TRMT61B: variants seen among roughly 807,000 people sequenced by gnomAD.
TRMT61B encodes tRNA methyltransferase 61B.
A neutral mutation model predicts 52.0 loss-of-function variants in TRMT61B; 56 were observed. The ratio of observed to expected loss-of-function variants is 1.08; its 90% CI spans 0.87 to 1.35. TRMT61B has a LOEUF of 1.35. TRMT61B is among the 40% of genes most tolerant of loss of function. The pLI is 0.00. For synonymous variants in TRMT61B, 206 were observed against 220.0 expected, an observed-to-expected ratio of 0.94 and a Z score of 0.56; for missense variants, 650 against 577.9, an observed-to-expected ratio of 1.12 and a Z score of -1.28.
chr2:28,851,330 C>A, intron 4 of TRMT61B, 32 bp from the exon 5 acceptor site: 1 of 1,418,888 alleles, frequency 7.0e-7, no homozygotes. Flanking sequence ...TACATTTCTA[C>A]TAAAATAATA....
intron 2 of TRMT61B, among the ~76,000 whole-genome samples, chr2:28,862,835 T>A (rs77282756): frequency 4.1e-5 from 6 of 144,950 alleles, no homozygotes; most frequent in African/African-American, 7.6e-5. Context: ...TACCAAAAAA[T>A]AAAAAAAAAA....
chr2:28,862,055 A>G (rs1411683988), intron 2 of TRMT61B: 1 of 151,796 alleles, frequency 6.6e-6, no homozygotes, highest in Non-Finnish European at 1.5e-5. Flanking sequence ...AAATACAAAA[A>G]ATTAGCCAGG....
intron 3 of TRMT61B, among the ~76,000 whole-genome samples, chr2:28,852,871 G>T (rs988459315): frequency 1.3e-5 from 2 of 151,956 alleles, no homozygotes; most frequent in Non-Finnish European, 2.9e-5. Flanking sequence ...AGGTGGGAGG[G>T]TCACTGGAGC....
chr2:28,869,821 C>A lies in TRMT61B; in HGVS notation c.457G>T (p.Ala153Ser), dbSNP rs777141316. 1.2e-6 allele frequency: 2 copies of A among 1,614,136 alleles called. No individual in the cohort carries two copies. Among genetic ancestry groups the A allele is most frequent in the Non-Finnish European group, 1.7e-6 (2 of 1,180,008 alleles). ...CSTSRERPFQ[A>S]GELILAETGE... is the part of the protein sequence containing the mutation. ...GTCTCAGCTAAAATCAGTTCCCCAG[C>A]CTGAAAGGGTCTCTCTCTGGAAGTT... The change falls in exon 1 of 7, where the codon GCT (alanine) becomes TCT (serine). Residue 153 changes from alanine (A) to serine (S), a missense_variant. By Grantham distance (99) the Ala-to-Ser change is moderately conservative. Transcript: ENST00000306108.
intron 1 of TRMT61B, 51 bp downstream of exon 1, chr2:28,869,526 ATC>A: frequency 7.9e-7 from 1 of 1,262,220 alleles, no homozygotes; most frequent in South Asian, 1.3e-5. Flanking sequence ...TGAGTACTGC[ATC>A]TGTCTTTGCC....
At chr2:28,852,691 G>T (rs551124007) in intron 3 of TRMT61B, among the ~76,000 whole-genome samples, 192 bp from the exon 4 acceptor site, 1 of 152,090 alleles carries the variant, frequency 6.6e-6, no homozygotes, top group Non-Finnish European at 1.5e-5. Context: ...GGGCAATGTG[G>T]CTTCTGCCTG....
intron 4 of TRMT61B, among the ~76,000 whole-genome samples, chr2:28,852,024 A>G (rs2148119249): frequency 6.6e-6 from 1 of 151,896 alleles, no homozygotes; most frequent in Admixed American, 6.6e-5. Context: ...TACAAAATGA[A>G]TATTTTGGCT....
chr2:28,863,979 A>G (rs1669721248), intron 2 of TRMT61B, among the ~76,000 whole-genome samples: 1 of 152,192 alleles, frequency 6.6e-6, no homozygotes, highest in Non-Finnish European at 1.5e-5. Flanking sequence ...CTAATCAACT[A>G]GCATAAAAGT....
rs181265959 is a variant in TRMT61B at position 28,858,148 on chromosome 2, C to T, written c.993+2970G>A. Among the ~76,000 whole-genome samples the T allele has an allele frequency of 1.8e-3, 268 of 150,548 alleles. 1 individual carries two copies. The highest frequency in any genetic ancestry group is 2.4e-3 in the Non-Finnish European group (161 of 67,846). On this transcript the variant is annotated intron_variant, in intron 3 of 6. Coordinates refer to ENST00000306108, the MANE Select transcript of TRMT61B (RefSeq NM_017910.4). ...CTCCGCCTCCCGGGTTCAGGCCATT[C>T]TCCTGCCTCAGCCTCCCCAGTAGCT...
rs1335311647 is a variant in TRMT61B at position 28,869,886 on chromosome 2, G to A, written c.392C>T (p.Ala131Val). ...DPSMLSQAQSATEVEERHVSP... is the reference protein window; with the variant it reads ...DPSMLSQAQSVTEVEERHVSP... ...GACGTGACGCTCTTCGACCTCGGTA[G>A]CGGACTGGGCCTGCGAGAGCATCGA... Residue 131 changes from alanine to valine, a missense_variant, in exon 1 of 7, where the codon GCT (alanine) becomes GTT (valine). Coordinates refer to ENST00000306108, the MANE Select transcript of TRMT61B (RefSeq NM_017910.4). 1.9e-6 allele frequency: 3 copies of A among 1,614,148 alleles called. No individual in the cohort carries two copies. The South Asian group carries it at 3.3e-5, about 18-fold the overall frequency.
Position 28,870,254 on chromosome 2 carries a change from A to G in TRMT61B, c.24T>C (p.Gly8=), listed in dbSNP as rs769434333. The G allele has an allele frequency of 3.6e-5, 58 of 1,597,870 alleles. No individual in the cohort carries two copies. The highest frequency in any genetic ancestry group is 4.9e-5 in the Non-Finnish European group (57 of 1,173,998). ...CCTGCCGCAGGCACAGCAAGACAGG[A>G]CCGCGGCACCATGCCATTAGCATAG... is the stretch of plus-strand genomic sequence containing the variant. MLMAWCR[G]PVLLCLRQGL... The change falls in exon 1 of 7, where the codon GGT becomes GGC. Residue 8 remains glycine, a synonymous_variant. Transcript: ENST00000306108.
intron 3 of TRMT61B, among the ~76,000 whole-genome samples, chr2:28,859,031 A>C (rs1414332237): frequency 6.7e-6 from 1 of 148,970 alleles, no homozygotes; most frequent in African/African-American, 2.5e-5. Flanking sequence ...AGTAGCTGGG[A>C]TTGTAGGCGC....
chr2:28,862,157 G>C (rs1669628592), intron 2 of TRMT61B, among the ~76,000 whole-genome samples: 1 of 128,920 alleles, frequency 7.8e-6, no homozygotes, highest in South Asian at 2.4e-4. Context: ...AGTGAGCCAA[G>C]ATGCGCCACT....
rs541830017 is a variant in TRMT61B, at chr2:28,850,327, C to G, written c.1390+1G>C. 69 of 1,608,400 alleles carry G rather than the reference C, an allele frequency of 4.3e-5. No homozygotes were observed. In the South Asian group the frequency reaches 7.0e-4, roughly 16 times the overall value. On this transcript the variant is annotated splice_donor_variant, in intron 6 of 6. Coordinates refer to ENST00000306108, the MANE Select transcript of TRMT61B (RefSeq NM_017910.4). LOFTEE classifies it high-confidence loss of function. ...TAATATGTTCTGAAAACATTACTCA[C>G]CTGTATGACCAGGTTGCCAGTGTAC...
intron 2 of TRMT61B, among the ~76,000 whole-genome samples, chr2:28,862,569 G>A (rs1310742797): frequency 6.6e-6 from 1 of 151,382 alleles, no homozygotes; most frequent in Non-Finnish European, 1.5e-5. Flanking sequence ...GTGAGCTCAA[G>A]CAATCTGCCT....
Position 28,851,248 on chromosome 2 carries a change from G to C in TRMT61B, c.1136C>G (p.Ala379Gly). ...CTCGCTTATCTTTTCACATGAAAGA[G>C]CAAGTTCACAGGTGCGAATTCCATC... ...LLDGIRTCEL[A>G]LSCEKISEVI... Residue 379 changes from alanine to glycine, a missense_variant, in exon 5 of 7, where the codon GCT (alanine) becomes GGT (glycine). Coordinates refer to ENST00000306108, the MANE Select transcript of TRMT61B (RefSeq NM_017910.4). The C allele has an allele frequency of 6.2e-7, 1 of 1,613,710 alleles. No homozygotes were observed. Among genetic ancestry groups the C allele is most frequent in the Non-Finnish European group, 8.5e-7 (1 of 1,179,860 alleles).
Position 28,869,931 on chromosome 2 carries a change from T to C in TRMT61B, c.347A>G (p.His116Arg). ...SGDQGRCGPT[H>R]QGSEDPSMLS... ...CATCGAAGGATCCTCGGATCCCTGG[T>C]GTGTGGGACCGCACCGGCCCTGGTC... Residue 116 changes from histidine (H) to arginine (R), a missense_variant, in exon 1 of 7, where the codon CAC (histidine) becomes CGC (arginine). By Grantham distance (29) the His-to-Arg change is conservative. Transcript: ENST00000306108. 6.2e-7 allele frequency: 1 copy of C among 1,613,714 alleles called. No homozygotes were observed.
chr2:28,870,268 C>G lies in TRMT61B; in HGVS notation c.10G>C (p.Ala4Pro), dbSNP rs760677287. MLM[A>P]WCRGPVLLCL... is the part of the protein sequence containing the mutation. ...AGCAAGACAGGACCGCGGCACCATG[C>G]CATTAGCATAGTGTTTCGCGAAGGC... Residue 4 changes from alanine to proline, a missense_variant, in exon 1 of 7, where the codon GCA (alanine) becomes CCA (proline). Coordinates refer to ENST00000306108, the MANE Select transcript of TRMT61B (RefSeq NM_017910.4). 12 of 1,582,342 alleles carry G rather than the reference C, an allele frequency of 7.6e-6. No individual in the cohort carries two copies. In the African/African-American group the frequency reaches 1.5e-4, roughly 20 times the overall value.
At chr2:28,856,261 G>A (rs1174508671) in intron 3 of TRMT61B, among the ~76,000 whole-genome samples, 2 of 151,990 alleles carry the variant, frequency 1.3e-5, no homozygotes, top group Non-Finnish European at 2.9e-5. Flanking sequence ...CTGGGGTTTT[G>A]GTGCTTCTGT....
Sources: gnomAD v4.1 joint callset for allele counts (sites outside exome capture counted in the v4.1 genomes callset) on GRCh38, gnomAD v4.1.1 for gene constraint, MANE v1.5 for transcripts, NCBI Gene and HGNC (gene_info 2026-07-23, HGNC 2026-07-21) for gene names.